QKI: variants seen among roughly 807,000 people sequenced by gnomAD.
QKI encodes the protein KH domain-containing RNA-binding protein QKI.
QKI carries 10 observed loss-of-function variants against 39.0 expected under a neutral mutation model. The observed-to-expected ratio is 0.26, with a 90% CI of 0.16 to 0.43. QKI has a LOEUF of 0.43. QKI is among the 20% of genes least tolerant of loss of function. QKI has a pLI of 1.00. For synonymous variants in QKI, 204 were observed against 155.4 expected (o/e 1.31, Z -2.33); for missense variants, 218 against 428.0 (o/e 0.51, Z 4.33).
At chr6:163,424,927 G>C (rs904249326) in intron 1 of QKI, among the ~76,000 whole-genome samples, 1 of 152,076 alleles carries the variant, frequency 6.6e-6, no homozygotes, top group East Asian at 1.9e-4. Flanking sequence ...CACTGCCCCC[G>C]GCCTGCGTCA....
chr6:163,507,012 G>A lies in QKI; in HGVS notation c.403-27970G>A, dbSNP rs73784433. Among the ~76,000 whole-genome samples the A allele has an allele frequency of 5.6e-3, 847 of 152,206 alleles. 7 individuals are homozygous for A. Among genetic ancestry groups the A allele is most frequent in the African/African-American group, 0.012 (490 of 41,536 alleles). On this transcript the variant is annotated intron_variant, in intron 3 of 7. Coordinates refer to ENST00000361752, the MANE Select transcript of QKI (RefSeq NM_006775.3). ...AACTAGAAGACCAACTTGATTCTGC[G>A]ATGATTAAAGGAAAAATGGCTAGGA... is the stretch of plus-strand genomic sequence containing the variant.
chr6:163,441,009 T>A (rs569927350), intron 1 of QKI, among the ~76,000 whole-genome samples: 13 of 152,188 alleles, frequency 8.5e-5, no homozygotes, highest in Non-Finnish European at 1.3e-4. Context: ...AGTACAGGGT[T>A]AATTAGGACT....
Position 163,570,729 on chromosome 6 carries a change from C to CT in QKI, c.*20dup. 3 of 1,612,848 alleles carry CT rather than the reference C, an allele frequency of 1.9e-6. No homozygotes were observed. The highest frequency in any genetic ancestry group is 2.5e-6 in the Non-Finnish European group (3 of 1,179,456). ...CAACTAACCTATGACCTTCTGACCT[C>CT]TGAACTCTTCACCCAATGATGACCT... On this transcript the variant is annotated 3_prime_UTR_variant, in exon 8 of 8. Transcript: ENST00000361752.
intron 4 of QKI, among the ~76,000 whole-genome samples, chr6:163,559,144 G>GC (rs1718356988): frequency 6.6e-6 from 1 of 152,158 alleles, no homozygotes; most frequent in South Asian, 2.1e-4. Flanking sequence ...TCCAAAAGGA[G>GC]CAGTTCAGTG....
intron 1 of QKI, among the ~76,000 whole-genome samples, chr6:163,431,306 A>G (rs1448886406): frequency 6.6e-6 from 1 of 152,200 alleles, no homozygotes; most frequent in East Asian, 1.9e-4. Context: ...TCAGTAATGA[A>G]TTTTGTCTAA....
intron 1 of QKI, among the ~76,000 whole-genome samples, chr6:163,429,619 G>A (rs1162033153): frequency 6.6e-6 from 1 of 152,122 alleles, no homozygotes; most frequent in Admixed American, 6.5e-5. Flanking sequence ...CTGTAACTGG[G>A]AATTATGAAT....
At chr6:163,559,721 G>T (rs924863738) in intron 4 of QKI, among the ~76,000 whole-genome samples, 2 of 152,110 alleles carry the variant, frequency 1.3e-5, no homozygotes, top group Non-Finnish European at 1.5e-5. Context: ...AAAGCTCACT[G>T]AACAGTTCTG....
intron 2 of QKI, among the ~76,000 whole-genome samples, chr6:163,463,536 G>C (rs887361668): frequency 1.3e-5 from 2 of 152,246 alleles, no homozygotes; most frequent in African/African-American, 4.8e-5. Flanking sequence ...TTAATAACCA[G>C]TTATAACCAA....
At chr6:163,471,030 G>A (rs118013051) in intron 2 of QKI, among the ~76,000 whole-genome samples, 2,186 of 152,186 alleles carry the variant, frequency 0.014, 30 homozygotes, top group Middle Eastern at 0.044. Flanking sequence ...TGAAATTGTG[G>A]TTTTCTTTAT....
intron 2 of QKI, among the ~76,000 whole-genome samples, chr6:163,469,443 G>A (rs1792019646): frequency 1.3e-5 from 2 of 152,192 alleles, no homozygotes; most frequent in East Asian, 1.9e-4. Flanking sequence ...TTTGGGAAAA[G>A]ATCTGTATAG....
Position 163,555,761 on chromosome 6 carries a change from T to G in QKI, c.547-6221T>G, listed in dbSNP as rs964218532. Reference sequence around the variant, plus strand: ...ATAGGCAGTGGTTCGAATTATTTTTTTAGTTGACATAGTTTTAATGATTTG... The same window carrying G: ...ATAGGCAGTGGTTCGAATTATTTTTGTAGTTGACATAGTTTTAATGATTTG... On this transcript the variant is annotated intron_variant, in intron 4 of 7. Coordinates refer to ENST00000361752, the MANE Select transcript of QKI (RefSeq NM_006775.3). Among the ~76,000 whole-genome samples the G allele has an allele frequency of 4.6e-5, 7 of 152,334 alleles. No individual in the cohort carries two copies. In the South Asian group the frequency reaches 1.2e-3, roughly 27 times the overall value.
At chr6:163,535,230 A>AT in intron 4 of QKI, 105 bp downstream of exon 4, 1 of 1,191,362 alleles carries the variant, frequency 8.4e-7, no homozygotes, top group Non-Finnish European at 1.1e-6. Flanking sequence ...GTTGTTAGAA[A>AT]TTTTATTTAA....
intron 3 of QKI, among the ~76,000 whole-genome samples, chr6:163,516,157 T>C (rs1259932457): frequency 3.3e-5 from 5 of 152,178 alleles, no homozygotes; most frequent in Non-Finnish European, 7.4e-5. Context: ...CAGGCAATTT[T>C]TAGAAAATCT....
At chr6:163,435,115 G>A (rs756905494) in intron 1 of QKI, among the ~76,000 whole-genome samples, 12 of 152,136 alleles carry the variant, frequency 7.9e-5, no homozygotes, top group African/African-American at 2.7e-4. Flanking sequence ...GAATCTAGAC[G>A]TTAATAGATT....
chr6:163,489,278 A>T (rs1203236270), intron 3 of QKI, among the ~76,000 whole-genome samples: 2 of 151,704 alleles, frequency 1.3e-5, no homozygotes, highest in Non-Finnish European at 2.9e-5. Context: ...TTTATTAGTT[A>T]GTGCTAAATT....
At chr6:163,544,851 GAGAA>G (rs1349619371) in intron 4 of QKI, among the ~76,000 whole-genome samples, 1 of 152,116 alleles carries the variant, frequency 6.6e-6, no homozygotes, top group Admixed American at 6.5e-5. Context: ...CAATTCAGGT[GAGAA>G]AGAGTAAAAT....
intron 1 of QKI, among the ~76,000 whole-genome samples, chr6:163,454,304 C>T (rs1283331364): frequency 6.6e-6 from 1 of 151,978 alleles, no homozygotes; most frequent in Non-Finnish European, 1.5e-5. Flanking sequence ...AATTCTCCTA[C>T]TTTTAAAAAA....
rs150586794 is a variant in QKI, at chr6:163,431,928, C to T, written c.142+16593C>T. ...CTTCATTATATATGTAAATGCTGTTCCTTTACAAAGGATATGAATACATTT... is the reference window on the plus strand; with the variant it reads ...CTTCATTATATATGTAAATGCTGTTTCTTTACAAAGGATATGAATACATTT... On this transcript the variant is annotated intron_variant, in intron 1 of 7. Transcript: ENST00000361752. Among the ~76,000 whole-genome samples, 30 of 150,672 alleles carry T rather than the reference C, an allele frequency of 2.0e-4. No homozygotes were observed. The East Asian group carries it at 5.6e-3, about 28-fold the overall frequency.
At chr6:163,467,620 G>T (rs1400948410) in intron 2 of QKI, among the ~76,000 whole-genome samples, 1 of 152,106 alleles carries the variant, frequency 6.6e-6, no homozygotes, top group Non-Finnish European at 1.5e-5. Context: ...TATGTGAAAG[G>T]TTTTGCCAAA....
Sources: gnomAD v4.1 joint callset for allele counts (sites outside exome capture counted in the v4.1 genomes callset) on GRCh38, gnomAD v4.1.1 for gene constraint, MANE v1.5 for transcripts, NCBI Gene and HGNC (gene_info 2026-07-23, HGNC 2026-07-21) for gene names.